The following SIRPG variants were observed in gnomAD, a reference collection of about 807,000 sequenced individuals.
SIRPG encodes the protein signal regulatory protein gamma.
Under a neutral mutation model 35.7 loss-of-function variants are expected in SIRPG, and 38 were observed. The ratio of observed to expected loss-of-function variants is 1.06; its 90% confidence interval spans 0.82 to 1.40. SIRPG has a LOEUF of 1.40. Ranked by LOEUF, SIRPG falls within the 40% of genes most tolerant of loss-of-function variation. SIRPG has a pLI of 0.00. For synonymous variants in SIRPG, 215 were observed against 190.4 expected (o/e 1.13, Z -1.06); for missense variants, 519 against 483.0 (o/e 1.07, Z -0.70).
chr20:1,636,424 T>G lies in SIRPG; in HGVS notation c.512A>C (p.His171Pro). The G allele has an allele frequency of 6.2e-7, 1 of 1,614,178 alleles. No individual in the cohort carries two copies. The stretch of plus-strand genomic sequence containing the variant: ...GGTGATGTCTCTGGGAGAGAAGCCA[T>G]GGGACTCACAGGTGAAACTCACTGT... ...EHTVSFTCES[H>P]GFSPRDITLK... The change falls in exon 3 of 6, where the codon CAT becomes CCT. Residue 171 changes from histidine to proline, a missense_variant. Coordinates refer to ENST00000303415, the MANE Select transcript of SIRPG (RefSeq NM_018556.4).
chr20:1,668,229 TTCTTTCTTTCTTTC>T, the SIRPG span, among the ~76,000 whole-genome samples: 6 of 113,216 alleles, frequency 5.3e-5, no homozygotes, highest in East Asian at 4.9e-4. Flanking sequence ...CTTTCTTTCT[TTCTTTCTTTCTTTC>T]TTTCTTTTTC....
chr20:1,647,629 T>C (rs1315440287), intron 2 of SIRPG: 2 of 152,208 alleles, frequency 1.3e-5, no homozygotes, highest in Non-Finnish European at 2.9e-5. Flanking sequence ...TAGCTCAAGT[T>C]TGGGAACAAC....
chr20:1,645,789 G>A (rs905414443), intron 2 of SIRPG, among the ~76,000 whole-genome samples: 5 of 152,138 alleles, frequency 3.3e-5, no homozygotes, highest in Admixed American at 6.5e-5. Flanking sequence ...CTGTTCTGCC[G>A]AAGCTCAGTG....
At chr20:1,664,265 A>T in the SIRPG span, among the ~76,000 whole-genome samples, 2 of 152,338 alleles carry the variant, frequency 1.3e-5, no homozygotes, top group South Asian at 4.1e-4. Context: ...TTTAGAGAGA[A>T]CAAATATTCA....
At chr20:1,648,938 G>A in intron 2 of SIRPG, 114 bp downstream of exon 2, 1 of 980,612 alleles carries the variant, frequency 1.0e-6, no homozygotes, top group South Asian at 1.5e-5. Flanking sequence ...GTGACAACAG[G>A]TCTTGAAAAT....
At chr20:1,663,750 G>A in the SIRPG span, among the ~76,000 whole-genome samples, 5 of 152,208 alleles carry the variant, frequency 3.3e-5, no homozygotes, top group Admixed American at 2.0e-4. Context: ...GAACTGTCGC[G>A]GCATTCCTGC....
At chr20:1,668,546 T>C in the SIRPG span, among the ~76,000 whole-genome samples, 4 of 152,258 alleles carry the variant, frequency 2.6e-5, no homozygotes, top group South Asian at 8.3e-4. Flanking sequence ...TCTCCCAAAG[T>C]GTTGGGATTA....
chr20:1,677,841 G>A, the SIRPG span, among the ~76,000 whole-genome samples: 36,540 of 151,916 alleles, frequency 0.24, 5,113 homozygotes, highest in East Asian at 0.59. Context: ...GAAGTCCAGA[G>A]ATCGAACATG....
At chr20:1,680,516 G>A in the SIRPG span, among the ~76,000 whole-genome samples, 1 of 152,180 alleles carries the variant, frequency 6.6e-6, no homozygotes, top group East Asian at 1.9e-4. Flanking sequence ...TCTGTTGACA[G>A]TTGGCATTAT....
chr20:1,675,085 G>C, the SIRPG span, among the ~76,000 whole-genome samples: 1 of 152,090 alleles, frequency 6.6e-6, no homozygotes, highest in Admixed American at 6.5e-5. Context: ...TGGGTGCCCG[G>C]GCCCAGATAC....
intron 2 of SIRPG, chr20:1,647,372 G>A (rs1011597939): frequency 6.6e-6 from 1 of 152,338 alleles, no homozygotes; most frequent in African/African-American, 2.4e-5. Context: ...TGCCTGGGCT[G>A]GGGAGGCACC....
chr20:1,664,724 G>A, the SIRPG span, among the ~76,000 whole-genome samples: 3 of 152,174 alleles, frequency 2.0e-5, no homozygotes, highest in African/African-American at 4.8e-5. Context: ...CGGAGAGCCT[G>A]TTATGTTCCC....
upstream of SIRPG, among the ~76,000 whole-genome samples, chr20:1,657,964 C>A (rs1344123760): frequency 2.0e-5 from 3 of 152,186 alleles, no homozygotes; most frequent in Non-Finnish European, 4.4e-5. Flanking sequence ...ATGCTTCCTG[C>A]CTGCCTGGGA....
At chr20:1,634,580 T>C (rs1600194635) in intron 4 of SIRPG, among the ~76,000 whole-genome samples, 1 of 151,856 alleles carries the variant, frequency 6.6e-6, no homozygotes, top group South Asian at 2.1e-4. Flanking sequence ...AGGTCATAAA[T>C]GAGGATGGAA....
intron 2 of SIRPG, chr20:1,647,023 T>A (rs1461265162): frequency 6.6e-6 from 1 of 152,304 alleles, no homozygotes; most frequent in Non-Finnish European, 1.5e-5. Context: ...GGAGCATTTC[T>A]CTACACTTGA....
chr20:1,657,439 C>G (rs941805859), intron 1 of SIRPG, among the ~76,000 whole-genome samples: 6 of 152,180 alleles, frequency 3.9e-5, no homozygotes, highest in African/African-American at 7.2e-5. Context: ...GTGGCAGAAG[C>G]CTCACAAGGT....
At chr20:1,664,827 G>A in the SIRPG span, among the ~76,000 whole-genome samples, 4 of 152,156 alleles carry the variant, frequency 2.6e-5, no homozygotes, top group African/African-American at 9.7e-5. Context: ...GAGTCCTGGC[G>A]CCCTTTCCCG....
At chr20:1,682,607 C>G in the SIRPG span, among the ~76,000 whole-genome samples, 1 of 152,128 alleles carries the variant, frequency 6.6e-6, no homozygotes, top group Admixed American at 6.5e-5. Flanking sequence ...CAAGGACACA[C>G]AATAGGGAAA....
rs770865479 is a variant in SIRPG, at chr20:1,649,201, AG to A, written c.280del (p.Leu94SerfsTer27). On this transcript the variant is annotated frameshift_variant, in exon 2 of 6. Transcript: ENST00000303415. LOFTEE classifies it high-confidence loss of function. ...AAAGTCCATGTTGTTTCTCTTTGTG[AG>A]GTCTGAAACTGTTGTTACCCTGGGG... ...HFPRVTTVSDLTKRNNMDFSI... is the reference protein window; with the variant it reads ...HFPRVTTVSDXTKRNNMDFSI... 6.2e-7 allele frequency: 1 copy of A among 1,614,040 alleles called. No individual in the cohort carries two copies. Among genetic ancestry groups the A allele is most frequent in the Non-Finnish European group, 8.5e-7 (1 of 1,180,016 alleles).
Sources: allele counts gnomAD v4.1 joint callset (sites outside exome capture counted in the v4.1 genomes callset), GRCh38; gene constraint gnomAD v4.1.1; transcripts MANE v1.5; gene names NCBI Gene and HGNC (gene_info 2026-07-23, HGNC 2026-07-21).